The following SCN9A variants were observed in gnomAD, a reference collection of about 807,000 sequenced individuals.
The protein encoded by SCN9A is sodium voltage-gated channel alpha subunit 9.
In SCN9A, 131 loss-of-function variants were observed where a neutral mutation model predicts 187.0. The ratio of observed to expected loss-of-function variants is 0.70; its 90% CI spans 0.61 to 0.81. The LOEUF is 0.81. Ranked by LOEUF, SCN9A falls within the 30% of genes least tolerant of loss-of-function variation. SCN9A has a pLI of 0.00. For synonymous variants in SCN9A, 809 were observed against 808.6 expected, an observed-to-expected ratio of 1.00 and a Z score of -0.01; for missense variants, 2,252 against 2,396.6, an observed-to-expected ratio of 0.94 and a Z score of 1.26.
At chr2:166,235,702 C>T (rs1695287410) in intron 20 of SCN9A, among the ~76,000 whole-genome samples, 1 of 151,952 alleles carries the variant, frequency 6.6e-6, no homozygotes, top group African/African-American at 2.4e-5. Flanking sequence ...CAGCCACTCC[C>T]CCAAATCTGT....
intron 18 of SCN9A, among the ~76,000 whole-genome samples, chr2:166,243,704 T>G (rs1400871200): frequency 6.6e-6 from 1 of 151,882 alleles, no homozygotes; most frequent in Non-Finnish European, 1.5e-5. Flanking sequence ...ATTGGTCAGA[T>G]TATGGAAAGC....
chr2:166,218,785 C>CT (rs888742627), intron 24 of SCN9A, among the ~76,000 whole-genome samples: 1 of 152,088 alleles, frequency 6.6e-6, no homozygotes, highest in African/African-American at 2.4e-5. Context: ...AGCAGACAGT[C>CT]TACAGAATGG....
chr2:166,210,904 T>A (rs1180272635), intron 24 of SCN9A, among the ~76,000 whole-genome samples: 1 of 151,660 alleles, frequency 6.6e-6, no homozygotes, highest in Non-Finnish European at 1.5e-5. Flanking sequence ...TACCAAAAAT[T>A]ACAAAAATCA....
chr2:166,360,740 G>T (rs1700264750), intron 1 of SCN9A, among the ~76,000 whole-genome samples: 1 of 152,122 alleles, frequency 6.6e-6, no homozygotes, highest in Non-Finnish European at 1.5e-5. Flanking sequence ...AATGGTTTTG[G>T]TAAAGTGCCT....
At chr2:166,220,383 C>A (rs1452578333) in intron 24 of SCN9A, among the ~76,000 whole-genome samples, 2 of 152,132 alleles carry the variant, frequency 1.3e-5, no homozygotes, top group South Asian at 4.1e-4. Context: ...GAATTTTACC[C>A]TTTTAAATGC....
chr2:166,303,308 A>T lies in SCN9A; in HGVS notation c.689-6T>A, dbSNP rs201905108. The T allele has an allele frequency of 6.2e-7, 1 of 1,609,070 alleles. No individual in the cohort carries two copies. On this transcript the variant is annotated splice_polypyrimidine_tract_variant and splice_region_variant and intron_variant, in intron 6 of 26. Transcript: ENST00000642356. ...CCCTACAATTGTCTTCAGGCCTGAA[A>T]ATGGGAGAAAAAAGTGTTTGTAATG...
chr2:166,333,293 G>A (rs7606274), intron 1 of SCN9A, among the ~76,000 whole-genome samples: 1 of 152,074 alleles, frequency 6.6e-6, no homozygotes, highest in South Asian at 2.1e-4. Flanking sequence ...TAAATGATCA[G>A]TATGTAAATT....
rs570859811 is a variant in SCN9A at position 166,354,850 on chromosome 2, A to T, written c.-51+20847T>A. Among the ~76,000 whole-genome samples the T allele has an allele frequency of 1.1e-3, 165 of 152,360 alleles. 3 individuals carry two copies. Among genetic ancestry groups the T allele is most frequent in the South Asian group, 4.1e-3 (20 of 4,830 alleles). The stretch of plus-strand genomic sequence containing the variant: ...TAATTTGGGGTTATTAATATGGTTG[A>T]ATATAAATATAGCAAATTTTCATTG... On this transcript the variant is annotated intron_variant, in intron 1 of 26. Coordinates refer to ENST00000642356, the MANE Select transcript of SCN9A (RefSeq NM_001365536.1).
intron 17 of SCN9A, among the ~76,000 whole-genome samples, chr2:166,269,862 C>T (rs114598166): frequency 6.6e-6 from 1 of 152,130 alleles, no homozygotes; most frequent in Non-Finnish European, 1.5e-5. Flanking sequence ...GCTTTAACAC[C>T]TAGAATCCAA....
At chr2:166,290,148 T>C (rs1005533870) in intron 9 of SCN9A, among the ~76,000 whole-genome samples, 1 of 152,006 alleles carries the variant, frequency 6.6e-6, no homozygotes, top group Non-Finnish European at 1.5e-5. Context: ...CTCCCACTTA[T>C]GAGTGAGAAC....
chr2:166,348,311 A>G lies in SCN9A; in HGVS notation c.-51+27386T>C, dbSNP rs893783645. 2.6e-5 allele frequency among the ~76,000 whole-genome samples: 4 copies of G among 151,928 alleles called. No homozygotes were observed. In the East Asian group the frequency reaches 5.8e-4, roughly 22 times the overall value. Reference sequence around the variant, plus strand: ...TGCCCCTCAAGTTCCACAAACTCTAATTTTTCATATACTCTTATTTTAACC... The same window carrying G: ...TGCCCCTCAAGTTCCACAAACTCTAGTTTTTCATATACTCTTATTTTAACC... On this transcript the variant is annotated intron_variant, in intron 1 of 26. Coordinates refer to ENST00000642356, the MANE Select transcript of SCN9A (RefSeq NM_001365536.1).
intron 24 of SCN9A, among the ~76,000 whole-genome samples, chr2:166,221,628 C>T (rs187679332): frequency 2.0e-5 from 3 of 152,060 alleles, no homozygotes; most frequent in African/African-American, 7.2e-5. Flanking sequence ...AAACTCTTGG[C>T]CACAAGTGAT....
chr2:166,213,240 C>A (rs1694172149), intron 24 of SCN9A, among the ~76,000 whole-genome samples: 2 of 150,926 alleles, frequency 1.3e-5, no homozygotes, highest in African/African-American at 4.9e-5. Flanking sequence ...GCAAGCATAA[C>A]TAAGAAAAAA....
chr2:166,289,830 A>G (rs573646766), intron 9 of SCN9A, among the ~76,000 whole-genome samples: 107 of 152,066 alleles, frequency 7.0e-4, no homozygotes, highest in African/African-American at 2.4e-3. Flanking sequence ...TTTAATTATC[A>G]CCATTCTAAC....
intron 18 of SCN9A, among the ~76,000 whole-genome samples, chr2:166,249,013 C>T (rs1365301492): frequency 6.6e-6 from 1 of 151,946 alleles, no homozygotes; most frequent in Non-Finnish European, 1.5e-5. Context: ...CATTATTCTC[C>T]ATCTATTTTG....
intron 24 of SCN9A, among the ~76,000 whole-genome samples, chr2:166,211,393 A>G (rs898355114): frequency 2.6e-5 from 4 of 152,258 alleles, no homozygotes; most frequent in Non-Finnish European, 4.4e-5. Context: ...GAAATGCTAA[A>G]GTGAGTTCTT....
Position 166,272,723 on chromosome 2 carries a change from AAAT to A in SCN9A, c.3024_3026del (p.Glu1008_Phe1009delinsAsp), listed in dbSNP as rs1235363863. ...GCTTTTTGGAAAATGCTTTTAGAAT[AAAT>A]TCACGTAAGGTTTGTTTCACATAAT... is the stretch of plus-strand genomic sequence containing the variant. On this transcript the variant is annotated inframe_deletion, in exon 17 of 27. Transcript: ENST00000642356. 1 of 1,590,866 alleles carries A rather than the reference AAAT, an allele frequency of 6.3e-7. No homozygotes were observed. Among genetic ancestry groups the A allele is most frequent in the Non-Finnish European group, 8.6e-7 (1 of 1,169,428 alleles).
chr2:166,309,969 T>G (rs1574911200), intron 2 of SCN9A, among the ~76,000 whole-genome samples: 1 of 127,162 alleles, frequency 7.9e-6, no homozygotes, highest in Non-Finnish European at 1.7e-5. Flanking sequence ...TATCTGATCT[T>G]TGACAAACCT....
intron 24 of SCN9A, among the ~76,000 whole-genome samples, chr2:166,219,710 T>G (rs1694498797): frequency 6.6e-6 from 1 of 152,112 alleles, no homozygotes; most frequent in Non-Finnish European, 1.5e-5. Context: ...ATCCTGTACA[T>G]GTACCCCTGA....
Sources: allele counts gnomAD v4.1 joint callset (sites outside exome capture counted in the v4.1 genomes callset), GRCh38; gene constraint gnomAD v4.1.1; transcripts MANE v1.5; gene names NCBI Gene and HGNC (gene_info 2026-07-23, HGNC 2026-07-21).